REV3L: variants seen among roughly 807,000 people sequenced by gnomAD.
The protein encoded by REV3L is DNA polymerase zeta catalytic subunit.
In REV3L, 69 loss-of-function variants were observed where a neutral mutation model predicts 299.4. That is an observed-to-expected ratio of 0.23 (90% CI 0.19 to 0.28). The LOEUF is 0.28. Ranked by LOEUF, REV3L falls within the 10% of genes least tolerant of loss-of-function variation. The probability of loss-of-function intolerance (pLI) is 1.00; values close to 1 mark genes in which losing one functional copy is unlikely to be tolerated. For missense variants in REV3L, 3,128 were observed against 3,693.8 expected (o/e 0.85, Z 3.97); for synonymous variants, 1,238 against 1,271.4 (o/e 0.97, Z 0.56).
intron 4 of REV3L, among the ~76,000 whole-genome samples, chr6:111,399,306 G>A (rs1475302165): frequency 6.6e-6 from 1 of 151,952 alleles, no homozygotes; most frequent in Non-Finnish European, 1.5e-5. Flanking sequence ...TAGATTTACA[G>A]AAAAGTTCCA....
chr6:111,467,588 T>C (rs935784279), intron 1 of REV3L, among the ~76,000 whole-genome samples: 1 of 152,224 alleles, frequency 6.6e-6, no homozygotes. Context: ...AAGAGTTGCA[T>C]CTGTACTGAA....
intron 25 of REV3L, among the ~76,000 whole-genome samples, chr6:111,325,858 T>C (rs115948040): frequency 0.01 from 1,541 of 152,344 alleles, 25 homozygotes; most frequent in African/African-American, 0.035. Context: ...TGCTACTAAA[T>C]ACTATATTTT....
rs760806054 is a variant in REV3L at position 111,373,597 on chromosome 6, G to A, written c.4758C>T (p.Pro1586=). 1 of 1,614,032 alleles carries A rather than the reference G, an allele frequency of 6.2e-7. No individual in the cohort carries two copies. Among genetic ancestry groups the A allele is most frequent in the Non-Finnish European group, 8.5e-7 (1 of 1,180,000 alleles). ...TTTTTTCTTTTTGTTTTGTACTTCTGGGAGTTCGAGGTTTTCTTGGGGACG... is the reference window on the plus strand; with the variant it reads ...TTTTTTCTTTTTGTTTTGTACTTCTAGGAGTTCGAGGTTTTCTTGGGGACG... ...SVTSPRKPRT[P]RSTKQKEKIP... is the part of the protein sequence containing the mutation. Residue 1586 remains proline (P), a synonymous_variant, in exon 13 of 32, where the codon CCC becomes CCT. Transcript: ENST00000368802.
chr6:111,368,485 A>G (rs532152851), intron 13 of REV3L, among the ~76,000 whole-genome samples: 1 of 152,240 alleles, frequency 6.6e-6, no homozygotes, highest in Non-Finnish European at 1.5e-5. Flanking sequence ...TAACAAAGCC[A>G]GTCAATTCAA....
At position 111,333,380 on chromosome 6, in the gene REV3L, A is replaced by G. The variant is rs755379419; in HGVS notation, c.7681-13T>C. 5 of 1,612,200 alleles carry G rather than the reference A, an allele frequency of 3.1e-6. No homozygotes were observed. In the African/African-American group the frequency reaches 6.7e-5, roughly 22 times the overall value. On this transcript the variant is annotated splice_polypyrimidine_tract_variant and intron_variant, in intron 22 of 31. Coordinates refer to ENST00000368802, the MANE Select transcript of REV3L (RefSeq NM_001372078.1). ...ATTCCACACGGTACTGCAGGGAGAA[A>G]GGGAGGTGAGAAGAGAAGAAACACA... is the stretch of plus-strand genomic sequence containing the variant.
chr6:111,392,338 G>C (rs1296348048), intron 5 of REV3L, among the ~76,000 whole-genome samples: 2 of 152,094 alleles, frequency 1.3e-5, no homozygotes, highest in Non-Finnish European at 2.9e-5. Context: ...TAAAAAATTT[G>C]CATAAGCAAA....
At chr6:111,359,609 T>G (rs1693334686) in intron 16 of REV3L, among the ~76,000 whole-genome samples, 6 of 150,774 alleles carry the variant, frequency 4.0e-5, no homozygotes. Context: ...CTTTAACATA[T>G]AATGCAAAAA....
At chr6:111,408,277 T>A (rs921135054) in intron 3 of REV3L, among the ~76,000 whole-genome samples, 1 of 152,064 alleles carries the variant, frequency 6.6e-6, no homozygotes, top group African/African-American at 2.4e-5. Context: ...GTTCTCAAAC[T>A]TTTTGGCCCC....
chr6:111,310,131 A>G, intron 29 of REV3L, 32 bp from the exon 30 acceptor site: 1 of 1,492,630 alleles, frequency 6.7e-7, no homozygotes, highest in Non-Finnish European at 8.9e-7. Flanking sequence ...AACCACACCC[A>G]AATACTGTTA....
chr6:111,470,174 TCACACACACACACA>T lies in REV3L; in HGVS notation c.139+12562_139+12575del, dbSNP rs6149753. 2.4e-3 allele frequency among the ~76,000 whole-genome samples: 363 copies of T among 150,360 alleles called. 2 individuals are homozygous for T. The highest frequency in any genetic ancestry group is 0.011 in the East Asian group (56 of 5,086). On this transcript the variant is annotated intron_variant, in intron 1 of 31. Coordinates refer to ENST00000368802, the MANE Select transcript of REV3L (RefSeq NM_001372078.1). ...TAAGAGTACCAGGGTTTACTATCTCTCACACACACACACACACACACACACACACACACACACAA... is the reference window on the plus strand; with the variant it reads ...TAAGAGTACCAGGGTTTACTATCTCTCACACACACACACACACACACACAA...
chr6:111,480,730 T>G (rs1297931142), intron 1 of REV3L, among the ~76,000 whole-genome samples: 1 of 151,730 alleles, frequency 6.6e-6, no homozygotes, highest in Non-Finnish European at 1.5e-5. Flanking sequence ...TCTTTCAATG[T>G]ACATATAAAA....
chr6:111,344,435 G>A lies in REV3L; in HGVS notation c.7420-392C>T, dbSNP rs138334541. 8.5e-5 allele frequency among the ~76,000 whole-genome samples: 13 copies of A among 152,156 alleles called. No homozygotes were observed. The East Asian group carries it at 2.3e-3, about 27-fold the overall frequency. On this transcript the variant is annotated intron_variant, in intron 20 of 31. Transcript: ENST00000368802. The stretch of plus-strand genomic sequence containing the variant: ...TTCTTGATGACATGCTGATTAATGG[G>A]ATTCCACAGATTTGAGGTGAGTTAT...
intron 13 of REV3L, among the ~76,000 whole-genome samples, chr6:111,370,518 T>C (rs463860): frequency 0.43 from 65,154 of 152,018 alleles, 16,436 homozygotes; most frequent in South Asian, 0.59. Context: ...AATTTTATTG[T>C]GTATATTTAA....
At chr6:111,437,241 T>C (rs759958436) in intron 1 of REV3L, among the ~76,000 whole-genome samples, 9 of 152,180 alleles carry the variant, frequency 5.9e-5, no homozygotes, top group Non-Finnish European at 1.3e-4. Flanking sequence ...CCTAGGTATA[T>C]GTCTAAGAGA....
chr6:111,377,691 G>A lies in REV3L; in HGVS notation c.1597+10C>T, dbSNP rs891598438. ...ATAACCAATTTCTCACAGTAGACTT[G>A]TTTACTTACCACTATTTTCATCTGC... On this transcript the variant is annotated intron_variant, in intron 12 of 31. Coordinates refer to ENST00000368802, the MANE Select transcript of REV3L (RefSeq NM_001372078.1). 1 of 1,608,172 alleles carries A rather than the reference G, an allele frequency of 6.2e-7. No individual in the cohort carries two copies. The highest frequency in any genetic ancestry group is 1.7e-5 in the Admixed American group (1 of 58,566).
In REV3L at chr6:111,338,202, G is replaced by A. The variant is rs9481146; in HGVS notation, c.7539-2592C>T. Among the ~76,000 whole-genome samples the A allele has an allele frequency of 3.5e-3, 532 of 152,032 alleles. 3 individuals carry two copies. Among genetic ancestry groups the A allele is most frequent in the African/African-American group, 0.012 (514 of 41,470 alleles). On this transcript the variant is annotated intron_variant, in intron 21 of 31. Transcript: ENST00000368802. ...AATATTTCCTTGAAATCTGTAGGTG[G>A]TGATTCAGGAGAAGAGTTACCAATT...
intron 1 of REV3L, among the ~76,000 whole-genome samples, chr6:111,481,367 C>T (rs989183469): frequency 6.6e-6 from 1 of 152,190 alleles, no homozygotes; most frequent in Non-Finnish European, 1.5e-5. Context: ...CCTCGATTTC[C>T]CAGCCTCCAA....
chr6:111,358,206 T>C (rs1217834125), intron 17 of REV3L, among the ~76,000 whole-genome samples: 4 of 152,142 alleles, frequency 2.6e-5, no homozygotes, highest in Admixed American at 2.6e-4. Flanking sequence ...GATAAAGAGA[T>C]ATAAGCAAAG....
At chr6:111,358,758 A>T in intron 17 of REV3L, 64 bp downstream of exon 17, 1 of 1,272,092 alleles carries the variant, frequency 7.9e-7, no homozygotes, top group South Asian at 1.6e-5. Context: ...TCAGCACAGG[A>T]ATTCCCCATT....
Sources: allele counts gnomAD v4.1 joint callset (sites outside exome capture counted in the v4.1 genomes callset), GRCh38; gene constraint gnomAD v4.1.1; transcripts MANE v1.5; gene names NCBI Gene and HGNC (gene_info 2026-07-23, HGNC 2026-07-21).